Variants in ADGRV1 observed in about 807,000 individuals in gnomAD.
ADGRV1 encodes adhesion G protein-coupled receptor V1, also known as G-protein coupled receptor 98.
In ADGRV1, 359 loss-of-function variants were observed where a neutral mutation model predicts 596.2. The observed-to-expected ratio is 0.60, with a 90% CI of 0.55 to 0.66. The LOEUF (loss-of-function observed/expected upper bound fraction) is 0.66, where lower values mean the gene tolerates loss of function less well. ADGRV1 is among the 30% of genes least tolerant of loss of function. The pLI, the probability that ADGRV1 is intolerant of heterozygous loss-of-function variation, is 0.00. For synonymous variants in ADGRV1, 2,681 were observed against 2,679.2 expected, an observed-to-expected ratio of 1.00 and a Z score of -0.02; for missense variants, 7,274 against 7,575.6, an observed-to-expected ratio of 0.96 and a Z score of 1.48.
At position 91,162,960 on chromosome 5, in the gene ADGRV1, C is replaced by G. The variant is rs78785684; in HGVS notation, c.18803-822C>G. On this transcript the variant is annotated intron_variant, in intron 89 of 89. Transcript: ENST00000405460. ...GTGATTCATCCAGCACACCCTATGA[C>G]CACATCCCCATTGTGTGTGTGTAGA... is the stretch of plus-strand genomic sequence containing the variant. Among the ~76,000 whole-genome samples the G allele has an allele frequency of 4.5e-3, 680 of 152,258 alleles. 42 individuals carry two copies. The East Asian group carries it at 0.11, about 25-fold the overall frequency.
At chr5:90,916,364 A>T (rs1773352739) in intron 83 of ADGRV1, among the ~76,000 whole-genome samples, 1 of 152,158 alleles carries the variant, frequency 6.6e-6, no homozygotes, top group Admixed American at 6.5e-5. Flanking sequence ...AATGTTTTAT[A>T]AATCTAAAAG....
intron 83 of ADGRV1, among the ~76,000 whole-genome samples, chr5:90,925,064 G>A (rs1464914648): frequency 2.6e-5 from 4 of 151,976 alleles, no homozygotes; most frequent in African/African-American, 9.7e-5. Flanking sequence ...GTCAGGTAGT[G>A]TGATGCCTCC....
chr5:90,666,989 C>G (rs1406713387), intron 21 of ADGRV1, among the ~76,000 whole-genome samples: 1 of 152,136 alleles, frequency 6.6e-6, no homozygotes, highest in Non-Finnish European at 1.5e-5. Flanking sequence ...CGTTGTTAGT[C>G]TGATGGGCTT....
intron 50 of ADGRV1, among the ~76,000 whole-genome samples, chr5:90,731,414 A>G (rs2203824): frequency 6.6e-6 from 1 of 152,026 alleles, no homozygotes; most frequent in African/African-American, 2.4e-5. Context: ...ATTTGACATG[A>G]GATTTGGGTT....
rs528153209 is a variant in ADGRV1 at position 90,759,558 on chromosome 5, A to T, written c.12090A>T (p.Pro4030=). 1.2e-6 allele frequency: 2 copies of T among 1,613,348 alleles called. No homozygotes were observed. The highest frequency in any genetic ancestry group is 2.7e-5 in the African/African-American group (2 of 74,918). ...VTVVIPQNDS[P]FGVFGFEEKT... Reference sequence around the variant, plus strand: ...TTGTTATTCCACAAAATGATTCTCCATTTGGAGTATTTGGATTTGAAGAAA... The same window carrying T: ...TTGTTATTCCACAAAATGATTCTCCTTTTGGAGTATTTGGATTTGAAGAAA... Residue 4030 remains proline, a synonymous_variant, in exon 58 of 90, where the codon CCA becomes CCT. Coordinates refer to ENST00000405460, the MANE Select transcript of ADGRV1 (RefSeq NM_032119.4).
At chr5:91,145,367 T>TAA (rs1388291971) in intron 87 of ADGRV1, among the ~76,000 whole-genome samples, 1 of 152,266 alleles carries the variant, frequency 6.6e-6, no homozygotes, top group African/African-American at 2.4e-5. Flanking sequence ...GATCTAGCTT[T>TAA]TACCCTATCA....
intron 1 of ADGRV1, among the ~76,000 whole-genome samples, chr5:90,596,194 CG>C (rs1248761805): frequency 6.7e-6 from 1 of 149,350 alleles, no homozygotes; most frequent in Non-Finnish European, 1.5e-5. Flanking sequence ...AGACGATGGG[CG>C]GCCGGGCAGA....
intron 44 of ADGRV1, 131 bp downstream of exon 44, chr5:90,720,354 A>G (rs1561591741): frequency 1.4e-5 from 9 of 643,494 alleles, no homozygotes; most frequent in Non-Finnish European, 2.3e-5. Context: ...AACTCTAGAA[A>G]AGATAGGTCT....
At chr5:90,684,648 G>A (rs914684115) in intron 28 of ADGRV1, among the ~76,000 whole-genome samples, 2 of 152,126 alleles carry the variant, frequency 1.3e-5, no homozygotes, top group Admixed American at 6.6e-5. Flanking sequence ...CCTTGTGGAG[G>A]GTTGAGGGGT....
chr5:91,138,816 G>A (rs1794862417), intron 87 of ADGRV1, among the ~76,000 whole-genome samples: 1 of 150,606 alleles, frequency 6.6e-6, no homozygotes. Context: ...CTGTTACCTG[G>A]GCTGGAATGC....
At chr5:90,906,681 A>G (rs1282944992) in intron 83 of ADGRV1, among the ~76,000 whole-genome samples, 1 of 150,848 alleles carries the variant, frequency 6.6e-6, no homozygotes, top group Non-Finnish European at 1.5e-5. Flanking sequence ...TCGAATACCA[A>G]CTCTTTGTTT....
chr5:90,685,965 T>G lies in ADGRV1; in HGVS notation c.6460T>G (p.Phe2154Val). Residue 2154 changes from phenylalanine to valine, a missense_variant, in exon 29 of 90, where the codon TTT becomes GTT. Physicochemically the swap from Phe to Val is conservative, Grantham distance 50. This residue lies in a region of ADGRV1 where 3,643 missense variants were observed against 3,809.2 expected (regional missense o/e 0.96). Transcript: ENST00000405460. ...GGAFADVSVK[F>V]KAVPITAIAG... ...AGCATTTGCAGATGTCTCTGTGAAGTTTAAAGCTGTGCCAATAACTGCAAT... is the reference window on the plus strand; with the variant it reads ...AGCATTTGCAGATGTCTCTGTGAAGGTTAAAGCTGTGCCAATAACTGCAAT... 9 of 1,594,836 alleles carry G rather than the reference T, an allele frequency of 5.6e-6. No homozygotes were observed. The highest frequency in any genetic ancestry group is 7.7e-6 in the Non-Finnish European group (9 of 1,168,354).
At chr5:90,679,136 A>G (rs1744615616) in intron 25 of ADGRV1, among the ~76,000 whole-genome samples, 1 of 152,174 alleles carries the variant, frequency 6.6e-6, no homozygotes, top group Admixed American at 6.5e-5. Context: ...ATTTCTCAAT[A>G]TTGAACTGGT....
Position 90,745,257 on chromosome 5 carries a change from T to C in ADGRV1, c.10761T>C (p.Phe3587=), listed in dbSNP as rs1182784904. Reference sequence around the variant, plus strand: ...CCTACATTTCCAGCCATTCTGACTTTATTCCTAGGTAGGTTCAACATTTTT... The same window carrying C: ...CCTACATTTCCAGCCATTCTGACTTCATTCCTAGGTAGGTTCAACATTTTT... ...ELAYISSHSD[F]IPSSGELIFE... Residue 3587 remains phenylalanine, a synonymous_variant, in exon 51 of 90, where the codon TTT becomes TTC. Coordinates refer to ENST00000405460, the MANE Select transcript of ADGRV1 (RefSeq NM_032119.4). The C allele has an allele frequency of 2.5e-6, 4 of 1,580,340 alleles. No individual in the cohort carries two copies. The highest frequency in any genetic ancestry group is 3.4e-6 in the Non-Finnish European group (4 of 1,166,494).
chr5:91,026,292 G>C (rs893697372), intron 85 of ADGRV1, among the ~76,000 whole-genome samples: 3 of 152,100 alleles, frequency 2.0e-5, no homozygotes, highest in African/African-American at 7.2e-5. Flanking sequence ...TATTTCATTT[G>C]AGCAAGGCAT....
At chr5:90,723,980 G>T (rs1361127909) in intron 45 of ADGRV1, among the ~76,000 whole-genome samples, 1 of 151,448 alleles carries the variant, frequency 6.6e-6, no homozygotes, top group Admixed American at 6.6e-5. Flanking sequence ...AGTTGTAGCA[G>T]TTTGATAAAA....
At chr5:90,898,829 C>G (rs556194296) in intron 83 of ADGRV1, among the ~76,000 whole-genome samples, 1 of 152,058 alleles carries the variant, frequency 6.6e-6, no homozygotes, top group South Asian at 2.1e-4. Context: ...ACCTGTAATC[C>G]CATCTATTCA....
intron 50 of ADGRV1, among the ~76,000 whole-genome samples, chr5:90,733,844 T>G (rs1349481249): frequency 6.6e-6 from 1 of 152,190 alleles, no homozygotes; most frequent in Non-Finnish European, 1.5e-5. Context: ...TATTATTGAT[T>G]ATAGTCACCC....
At chr5:90,974,487 G>T (rs1441346185) in intron 84 of ADGRV1, among the ~76,000 whole-genome samples, 1 of 152,194 alleles carries the variant, frequency 6.6e-6, no homozygotes, top group African/African-American at 2.4e-5. Flanking sequence ...GCATGGTACT[G>T]GTACCAAAAC....
Sources: allele counts gnomAD v4.1 joint callset (sites outside exome capture counted in the v4.1 genomes callset), GRCh38; gene constraint gnomAD v4.1.1; regional missense constraint gnomAD v4.1.1; transcripts MANE v1.5; gene names NCBI Gene and HGNC (gene_info 2026-07-23, HGNC 2026-07-21).